Variants in SKIC3 observed in about 807,000 individuals in gnomAD.
SKIC3 encodes superkiller complex protein 3.
chr5:95,511,707 G>A, the SKIC3 span, among the ~76,000 whole-genome samples: 25 of 152,114 alleles, frequency 1.6e-4, no homozygotes, highest in Non-Finnish European at 3.1e-4. Flanking sequence ...TTTGTCAAAA[G>A]TTAATGAAAC....
chr5:95,512,542 T>C, the SKIC3 span: 2 of 1,613,944 alleles, frequency 1.2e-6, no homozygotes, highest in African/African-American at 1.3e-5. Context: ...GTTGTACTGG[T>C]ACAGCTCTGT....
chr5:95,533,582 G>A, the SKIC3 span, among the ~76,000 whole-genome samples: 1 of 152,138 alleles, frequency 6.6e-6, no homozygotes, highest in African/African-American at 2.4e-5. Flanking sequence ...CAATTCAGAA[G>A]GGAAAGAACT....
the SKIC3 span, among the ~76,000 whole-genome samples, chr5:95,530,496 C>T: frequency 6.6e-6 from 1 of 152,188 alleles, no homozygotes; most frequent in Non-Finnish European, 1.5e-5. Context: ...TGCCAGTAGA[C>T]TAAGCCACAT....
chr5:95,530,305 A>C, the SKIC3 span: 13 of 1,550,584 alleles, frequency 8.4e-6, no homozygotes, highest in Middle Eastern at 1.7e-4. Context: ...CTTAAATCTC[A>C]AAATCTGCCT....
At chr5:95,485,757 T>C in the SKIC3 span, among the ~76,000 whole-genome samples, 22 of 152,196 alleles carry the variant, frequency 1.4e-4, 1 homozygote, top group Non-Finnish European at 2.4e-4. Context: ...AGATAGCTGA[T>C]TAGATGCATT....
At chr5:95,523,946 A>C in the SKIC3 span, 4 of 1,172,528 alleles carry the variant, frequency 3.4e-6, no homozygotes, top group Admixed American at 9.9e-5. Flanking sequence ...AATTTCATTA[A>C]ACATACAAAA....
At chr5:95,542,995 T>G in the SKIC3 span, among the ~76,000 whole-genome samples, 1 of 152,182 alleles carries the variant, frequency 6.6e-6, no homozygotes, top group Admixed American at 6.5e-5. Flanking sequence ...TAAATAGTGT[T>G]AAACAACATC....
chr5:95,465,741 T>C, the SKIC3 span, among the ~76,000 whole-genome samples: 1 of 152,178 alleles, frequency 6.6e-6, no homozygotes, highest in Non-Finnish European at 1.5e-5. Flanking sequence ...GTCGGTTGCA[T>C]TACAAGAAGG....
chr5:95,524,708 A>G, the SKIC3 span: 2 of 1,318,664 alleles, frequency 1.5e-6, no homozygotes, highest in African/African-American at 1.5e-5. Flanking sequence ...GAGGTGCCAA[A>G]TTAGAAACCA....
chr5:95,468,058 TCA>T, the SKIC3 span: 6 of 1,575,774 alleles, frequency 3.8e-6, no homozygotes, highest in Non-Finnish European at 4.3e-6. Context: ...TATACTAATC[TCA>T]CACACACATT....
chr5:95,504,838 T>TA, the SKIC3 span, among the ~76,000 whole-genome samples: 380 of 150,552 alleles, frequency 2.5e-3, no homozygotes, highest in African/African-American at 8.5e-3. Context: ...CCGTCTCTAA[T>TA]AAAAAAAAAT....
chr5:95,489,975 A>C, the SKIC3 span, among the ~76,000 whole-genome samples: 1 of 152,208 alleles, frequency 6.6e-6, no homozygotes, highest in Non-Finnish European at 1.5e-5. Flanking sequence ...ACAGGCAGTA[A>C]TGATGCTTAA....
chr5:95,527,900 C>T, the SKIC3 span: 2 of 1,178,582 alleles, frequency 1.7e-6, no homozygotes, highest in Non-Finnish European at 2.5e-6. Context: ...GTGGTGAATT[C>T]ATACCTCTAA....
the SKIC3 span, among the ~76,000 whole-genome samples, chr5:95,494,480 ATATTGTAT>A: frequency 6.6e-6 from 1 of 152,196 alleles, no homozygotes; most frequent in African/African-American, 2.4e-5. Context: ...ATAGCATTAT[ATATTGTAT>A]TAAACACTTA....
the SKIC3 span, among the ~76,000 whole-genome samples, chr5:95,493,533 C>G: frequency 1.3e-5 from 2 of 151,990 alleles, no homozygotes; most frequent in African/African-American, 4.8e-5. Flanking sequence ...ATAACATAGA[C>G]AAATCAAAAT....
At chr5:95,483,689 A>G in the SKIC3 span, among the ~76,000 whole-genome samples, 5 of 152,230 alleles carry the variant, frequency 3.3e-5, no homozygotes, top group Non-Finnish European at 7.3e-5. Flanking sequence ...GTTTTCAGGA[A>G]AAGTCACGTT....
chr5:95,520,927 A>C, the SKIC3 span: 1 of 791,442 alleles, frequency 1.3e-6, no homozygotes. Context: ...CCAGAAAATA[A>C]AACTTAACGG....
At chr5:95,544,328 AC>A in the SKIC3 span, among the ~76,000 whole-genome samples, 1 of 152,094 alleles carries the variant, frequency 6.6e-6, no homozygotes, top group African/African-American at 2.4e-5. Context: ...AGCTGCCATG[AC>A]TCTAAGTCTA....
chr5:95,518,854 G>A, the SKIC3 span, among the ~76,000 whole-genome samples: 1 of 151,950 alleles, frequency 6.6e-6, no homozygotes, highest in Non-Finnish European at 1.5e-5. Flanking sequence ...TCATACGGTA[G>A]TTCTATTTGC....
Sources: allele counts gnomAD v4.1 joint callset (sites outside exome capture counted in the v4.1 genomes callset), GRCh38; gene constraint gnomAD v4.1.1; transcripts MANE v1.5; gene names NCBI Gene and HGNC (gene_info 2026-07-23, HGNC 2026-07-21).